TMEM63A: variants seen among roughly 807,000 people sequenced by gnomAD.
TMEM63A encodes mechanosensitive cation channel TMEM63A.
A neutral mutation model predicts 100.6 loss-of-function variants in TMEM63A; 76 were observed. That is an observed-to-expected ratio of 0.76 (90% CI 0.63 to 0.91). The LOEUF is 0.91. Among genes scored for constraint, TMEM63A ranks in the 40% least tolerant of loss-of-function variants. TMEM63A has a pLI of 0.00. For missense variants in TMEM63A, 876 were observed against 1,008.8 expected, an observed-to-expected ratio of 0.87 and a Z score of 1.78; for synonymous variants, 401 against 401.1, an observed-to-expected ratio of 1.00 and a Z score of 0.00.
At chr1:225,869,536 T>G (rs929029451) in intron 6 of TMEM63A, among the ~76,000 whole-genome samples, 1 of 152,184 alleles carries the variant, frequency 6.6e-6, no homozygotes, top group South Asian at 2.1e-4. Flanking sequence ...GCATATGTTA[T>G]CCTCAGCCTC....
chr1:225,864,659 T>C lies in TMEM63A; in HGVS notation c.746+1238A>G, dbSNP rs543669294. 10 of 152,364 alleles carry C rather than the reference T, an allele frequency of 6.6e-5. No homozygotes were observed. The East Asian group carries it at 1.9e-3, about 29-fold the overall frequency. 9.4% of individuals were successfully genotyped at this position (152,364 alleles called of 1,614,324 possible). On this transcript the variant is annotated intron_variant, in intron 10 of 24. Coordinates refer to ENST00000366835, the MANE Select transcript of TMEM63A (RefSeq NM_014698.3). ...TTGAGTATTTACATATTAGTAAATATTTCTAAAATACTTAGAGTTTCTGAA... is the reference window on the plus strand; with the variant it reads ...TTGAGTATTTACATATTAGTAAATACTTCTAAAATACTTAGAGTTTCTGAA...
chr1:225,878,311 G>A (rs1670915512), intron 2 of TMEM63A, among the ~76,000 whole-genome samples: 1 of 152,198 alleles, frequency 6.6e-6, no homozygotes. Flanking sequence ...TTGCCACAGA[G>A]GAGAAAGTAA....
downstream of TMEM63A, chr1:225,844,354 C>A (rs1335933141): frequency 3.1e-6 from 4 of 1,304,648 alleles, no homozygotes; most frequent in Middle Eastern, 1.8e-4. Flanking sequence ...CTGCCTGTGA[C>A]ACGAGGATAC....
Position 225,867,802 on chromosome 1 carries a change from G to A in TMEM63A, c.514+86C>T. The A allele has an allele frequency of 7.8e-6, 12 of 1,547,628 alleles. No homozygotes were observed. In the South Asian group the frequency reaches 1.4e-4, roughly 18 times the overall value. ...ATCTGAAGTGGGGCATGACTCCTGG[G>A]GTTCTGGTCTACCACAGTGAGCCCT... On this transcript the variant is annotated intron_variant, in intron 7 of 24. Transcript: ENST00000366835. This position sits in a 1 kb window ranked among gnomAD's most constrained non-coding sequence, Gnocchi z 4.6.
At chr1:225,843,179 G>T (rs1006549647), downstream of TMEM63A, among the ~76,000 whole-genome samples, 1 of 151,344 alleles carries the variant, frequency 6.6e-6, no homozygotes, top group Admixed American at 6.6e-5. Flanking sequence ...GAATGAATGC[G>T]CAAAGGACTG....
At chr1:225,880,863 G>A (rs1411471556) in intron 1 of TMEM63A, among the ~76,000 whole-genome samples, 2 of 152,330 alleles carry the variant, frequency 1.3e-5, no homozygotes, top group Admixed American at 1.3e-4. Flanking sequence ...TGGTCAACTT[G>A]ACAAGCTCTA....
chr1:225,847,425 G>A (rs1056006246), intron 23 of TMEM63A: 2 of 540,738 alleles, frequency 3.7e-6, no homozygotes, highest in Non-Finnish European at 6.4e-6. Flanking sequence ...CAGTTATACA[G>A]TTCTCATGAT....
At chr1:225,861,163 AGT>A (rs1669915972) in intron 13 of TMEM63A, 166 bp from the exon 14 acceptor site, 1 of 650,338 alleles carries the variant, frequency 1.5e-6, no homozygotes, top group Non-Finnish European at 2.3e-6. Context: ...ACGCTAGCAC[AGT>A]GTGTGGAGAA....
chr1:225,871,066 G>A lies in TMEM63A; in HGVS notation c.371+10C>T, dbSNP rs1157027728. On this transcript the variant is annotated intron_variant, in intron 6 of 24. Transcript: ENST00000366835. ...AAGGCCCCCCAGCAGCTGCCCCCGG[G>A]TGTACTCACTGCAGACGGAAGATGG... is the stretch of plus-strand genomic sequence containing the variant. 5 of 1,613,966 alleles carry A rather than the reference G, an allele frequency of 3.1e-6. No individual in the cohort carries two copies. The highest frequency in any genetic ancestry group is 4.2e-6 in the Non-Finnish European group (5 of 1,179,866).
At chr1:225,851,514 C>T (rs773874001) in intron 20 of TMEM63A, among the ~76,000 whole-genome samples, 2 of 152,020 alleles carry the variant, frequency 1.3e-5, no homozygotes, top group Non-Finnish European at 2.9e-5. Flanking sequence ...GGATTACAGG[C>T]GCCTGCCACC....
At chr1:225,868,915 C>T (rs1345355181) in intron 6 of TMEM63A, among the ~76,000 whole-genome samples, 1 of 152,040 alleles carries the variant, frequency 6.6e-6, no homozygotes, top group African/African-American at 2.4e-5. Context: ...ACTGGGGACT[C>T]AGAAATTTCC....
At position 225,877,477 on chromosome 1, in the gene TMEM63A, G is replaced by A. The variant is rs377290215; in HGVS notation, c.104C>T (p.Ser35Leu). 20 of 1,614,094 alleles carry A rather than the reference G, an allele frequency of 1.2e-5. No homozygotes were observed. Among genetic ancestry groups the A allele is most frequent in the Middle Eastern group, 1.6e-4 (1 of 6,084 alleles). ...DRPNDSYCYNSAKNSTVLQGV... is the reference protein window; with the variant it reads ...DRPNDSYCYNLAKNSTVLQGV... The stretch of plus-strand genomic sequence containing the variant: ...CTGGAGCACGGTGCTGTTTTTGGCC[G>A]AGTTGTAGCAATAGGAGTCGTTGGG... The change falls in exon 3 of 25, where the codon TCG becomes TTG. Residue 35 changes from serine (S) to leucine (L), a missense_variant. This residue lies in a region of TMEM63A where 43 missense variants were observed against 48.9 expected (regional missense o/e 0.88). Transcript: ENST00000366835.
chr1:225,862,027 G>A lies in TMEM63A; in HGVS notation c.1085+191C>T, dbSNP rs1355999420. 9.2e-6 allele frequency: 8 copies of A among 873,348 alleles called. No individual in the cohort carries two copies. Among genetic ancestry groups the A allele is most frequent in the South Asian group, 3.5e-5 (2 of 57,802 alleles). The allele number at this position is 873,348 out of a possible 1,614,324, so 54.1% of individuals were successfully genotyped here. The stretch of plus-strand genomic sequence containing the variant: ...CGTGGCTGCTGCCCACACCCCCACC[G>A]CCTGTTACACAAACATGGGCTGGGC... On this transcript the variant is annotated intron_variant, in intron 13 of 24. Transcript: ENST00000366835. This position sits in a 1 kb window ranked among gnomAD's most constrained non-coding sequence, Gnocchi z 5.1.
intron 14 of TMEM63A, chr1:225,859,608 C>A: frequency 2.1e-6 from 1 of 475,328 alleles, no homozygotes; most frequent in Non-Finnish European, 3.7e-6. Context: ...CCCAAGCAGG[C>A]CAAACAAGGC....
intron 15 of TMEM63A, among the ~76,000 whole-genome samples, chr1:225,858,693 C>T (rs1669772697): frequency 1.3e-5 from 2 of 152,052 alleles, no homozygotes; most frequent in Admixed American, 1.3e-4. Flanking sequence ...ATCCTGCCAC[C>T]CCAATCAACG....
chr1:225,849,692 C>T (rs1258866415), intron 21 of TMEM63A, among the ~76,000 whole-genome samples: 1 of 152,228 alleles, frequency 6.6e-6, no homozygotes, highest in East Asian at 1.9e-4. Flanking sequence ...GGACACCTAA[C>T]CAGTCCTCAC....
At chr1:225,848,437 AC>A in intron 23 of TMEM63A, 54 bp downstream of exon 23, 1 of 1,597,484 alleles carries the variant, frequency 6.3e-7, no homozygotes, top group Non-Finnish European at 8.6e-7. Flanking sequence ...TGGGACTGTT[AC>A]AACCAAAGCA....
chr1:225,863,201 A>G, intron 10 of TMEM63A: 1 of 265,474 alleles, frequency 3.8e-6, no homozygotes. Flanking sequence ...CTACAGGCAC[A>G]TGCCACCAGG....
Position 225,853,770 on chromosome 1 carries a change from C to G in TMEM63A, c.1656G>C (p.Gln552His). 1 of 1,607,340 alleles carries G rather than the reference C, an allele frequency of 6.2e-7. No individual in the cohort carries two copies. Among genetic ancestry groups the G allele is most frequent in the Non-Finnish European group, 8.5e-7 (1 of 1,176,758 alleles). Residue 552 changes from glutamine (Q) to histidine (H), a missense_variant, in exon 19 of 25, where the codon CAG becomes CAC. Physicochemically the swap from Gln to His is conservative, Grantham distance 24 (BLOSUM62 0). Transcript: ENST00000366835. The surrounding 1 kb of genome is among the most constrained non-coding windows in gnomAD (Gnocchi z 4.0). ...IRLECVFLPD[Q>H]GAFFVNYVIA... Reference sequence around the variant, plus strand: ...TGACATAGTTCACAAAGAAGGCACCCTGGTCAGGCAGGAAGACGCACCTGG... The same window carrying G: ...TGACATAGTTCACAAAGAAGGCACCGTGGTCAGGCAGGAAGACGCACCTGG...
Sources: gnomAD v4.1 joint callset for allele counts (sites outside exome capture counted in the v4.1 genomes callset) on GRCh38, gnomAD v4.1.1 for gene constraint, gnomAD v4.1.1 regional missense constraint, Gnocchi (gnomAD v3.1) non-coding constraint, MANE v1.5 for transcripts, NCBI Gene and HGNC (gene_info 2026-07-23, HGNC 2026-07-21) for gene names.